PCDHGA9: variants seen among roughly 807,000 people sequenced by gnomAD.
PCDHGA9 encodes the protein protocadherin gamma subfamily A, 9.
Under a neutral mutation model 62.5 loss-of-function variants are expected in PCDHGA9, and 37 were observed. The ratio of observed to expected loss-of-function variants is 0.59; its 90% CI spans 0.46 to 0.78. PCDHGA9 has a LOEUF of 0.78. PCDHGA9 is among the 30% of genes least tolerant of loss of function. The pLI is 0.00. For synonymous variants in PCDHGA9, 459 were observed against 484.6 expected (o/e 0.95, Z 0.69); for missense variants, 1,138 against 1,166.2 (o/e 0.98, Z 0.35).
At chr5:141,449,521 G>A (rs1238503983) in intron 1 of PCDHGA9, among the ~76,000 whole-genome samples, 4 of 150,262 alleles carry the variant, frequency 2.7e-5, no homozygotes, top group African/African-American at 9.8e-5. Flanking sequence ...CCTGGGAGGC[G>A]GAGGTTGCAG....
intron 3 of PCDHGA9, among the ~76,000 whole-genome samples, chr5:141,509,907 C>T (rs149338646): frequency 3.3e-5 from 5 of 152,182 alleles, no homozygotes; most frequent in South Asian, 2.1e-4. Context: ...TTCCAGCATG[C>T]GCTTAGGTAC....
At chr5:141,428,493 T>G in intron 1 of PCDHGA9, 1 of 307,146 alleles carries the variant, frequency 3.3e-6, no homozygotes, top group Non-Finnish European at 6.3e-6. Context: ...GCAATCTGTA[T>G]GTTCCCTCGG....
At position 141,486,538 on chromosome 5, in the gene PCDHGA9, C is replaced by A; in HGVS notation, c.2425-8269C>A. 1 of 1,614,150 alleles carries A rather than the reference C, an allele frequency of 6.2e-7. No individual in the cohort carries two copies. Among genetic ancestry groups the A allele is most frequent in the Non-Finnish European group, 8.5e-7 (1 of 1,180,038 alleles). ...ATGTGAATGATAATCCACCCTCTTTCTTTCAGAGGTCACATGAGGTGTTTG... is the reference window on the plus strand; with the variant it reads ...ATGTGAATGATAATCCACCCTCTTTATTTCAGAGGTCACATGAGGTGTTTG... On this transcript the variant is annotated intron_variant, in intron 1 of 3. Coordinates refer to ENST00000573521, the MANE Select transcript of PCDHGA9 (RefSeq NM_018921.3). This position sits in a 1 kb window ranked among gnomAD's most constrained non-coding sequence, Gnocchi z 5.0.
intron 1 of PCDHGA9, among the ~76,000 whole-genome samples, chr5:141,405,955 C>T (rs116457023): frequency 0.015 from 2,244 of 152,168 alleles, 22 homozygotes; most frequent in Admixed American, 0.035. Flanking sequence ...TAATAATTAA[C>T]CTGCTGTCAA....
chr5:141,409,087 T>C (rs753624565), intron 1 of PCDHGA9: 1 of 1,613,990 alleles, frequency 6.2e-7, no homozygotes, highest in Admixed American at 1.7e-5. Flanking sequence ...TCTCATTGGA[T>C]GAGAAAACAG....
chr5:141,507,816 TG>T (rs1478957063), intron 3 of PCDHGA9, among the ~76,000 whole-genome samples: 1 of 152,130 alleles, frequency 6.6e-6, no homozygotes, highest in African/African-American at 2.4e-5. Flanking sequence ...GAACGGACCC[TG>T]GGGGTGGAGG....
chr5:141,460,961 ATG>A (rs35821115), intron 1 of PCDHGA9, among the ~76,000 whole-genome samples: 22,194 of 144,260 alleles, frequency 0.15, 1,877 homozygotes, highest in South Asian at 0.27. Context: ...GTATATATAT[ATG>A]TGTGTGTGTG....
chr5:141,510,400 TA>T (rs780031896), intron 3 of PCDHGA9, among the ~76,000 whole-genome samples: 12 of 151,920 alleles, frequency 7.9e-5, no homozygotes, highest in Non-Finnish European at 1.3e-4. Flanking sequence ...TGGCAAAGGC[TA>T]GGGGCATGTA....
chr5:141,414,148 G>A, intron 1 of PCDHGA9: 1 of 1,598,900 alleles, frequency 6.3e-7, no homozygotes, highest in Non-Finnish European at 8.5e-7. Flanking sequence ...AGAAATACAA[G>A]CAGAAGATGG....
Position 141,454,782 on chromosome 5 carries a change from C to A in PCDHGA9, c.2425-40025C>A, listed in dbSNP as rs116242508. On this transcript the variant is annotated intron_variant, in intron 1 of 3. Transcript: ENST00000573521. ...GACATGTTTTTTACAAGGAAATAAT[C>A]CTCCATGGTTCTAATTTTTTTTTTT... is the stretch of plus-strand genomic sequence containing the variant. 8.4e-3 allele frequency among the ~76,000 whole-genome samples: 1,205 copies of A among 143,216 alleles called. 20 individuals are homozygous for A. Among genetic ancestry groups the A allele is most frequent in the African/African-American group, 0.03 (1,150 of 37,952 alleles). The allele number at this position is 143,216 out of a possible 152,430, so 94.0% of individuals were successfully genotyped here. A position where few individuals can be genotyped will look rare whatever the true frequency, so the allele number is the denominator to read the frequency against.
chr5:141,403,553 G>T lies in PCDHGA9; in HGVS notation c.601G>T (p.Asp201Tyr). The T allele has an allele frequency of 3.7e-6, 6 of 1,613,980 alleles. No homozygotes were observed. The highest frequency in any genetic ancestry group is 5.1e-6 in the Non-Finnish European group (6 of 1,179,900). The change falls in exon 1 of 4, where the codon GAC becomes TAC. Residue 201 changes from aspartate to tyrosine, a missense_variant. Coordinates refer to ENST00000573521, the MANE Select transcript of PCDHGA9 (RefSeq NM_018921.3). ...AGAGCTGGTGCTGGAGCGCGCCCTG[G>T]ACAGGGAGGAGGCAACTGCCCACCA... The part of the protein sequence containing the change: ...NPELVLERAL[D>Y]REEATAHHLV...
intron 1 of PCDHGA9, chr5:141,430,745 T>C (rs377018529): frequency 1.3e-4 from 191 of 1,499,634 alleles, no homozygotes; most frequent in Non-Finnish European, 1.7e-4. Context: ...AAAATAATTC[T>C]GGAGGAAGAT....
rs1292747996 is a variant in PCDHGA9, at chr5:141,475,972, T to C, written c.2425-18835T>C. 2.0e-5 allele frequency: 19 copies of C among 963,712 alleles called. No individual in the cohort carries two copies. In the East Asian group the frequency reaches 3.4e-4, roughly 17 times the overall value. The allele number at this position is 963,712 out of a possible 1,614,324, so 59.7% of individuals were successfully genotyped here. A position where few individuals can be genotyped will look rare whatever the true frequency, so the allele number is the denominator to read the frequency against. ...CTGCGCCCCGGGATGAGGCAGAGAC[T>C]GAACAGCCGGCGAGCAAATCAACGG... On this transcript the variant is annotated intron_variant, in intron 1 of 3. Transcript: ENST00000573521.
In PCDHGA9 at chr5:141,490,211, ACCAGGGACAG is replaced by A. The variant is rs1259297201; in HGVS notation, c.2425-4593_2425-4584del. 1 of 1,614,212 alleles carries A rather than the reference ACCAGGGACAG, an allele frequency of 6.2e-7. No individual in the cohort carries two copies. ...TATGAAATTCATGCAAGAGCCCGTG[ACCAGGGACAG>A]CCTGCCATGGAGGGCCACTGTGTGA... is the stretch of plus-strand genomic sequence containing the variant. On this transcript the variant is annotated intron_variant, in intron 1 of 3. Transcript: ENST00000573521. The surrounding 1 kb of genome is among the most constrained non-coding windows in gnomAD (Gnocchi z 5.4).
chr5:141,431,736 G>T lies in PCDHGA9; in HGVS notation c.2424+26360G>T. On this transcript the variant is annotated intron_variant, in intron 1 of 3. Transcript: ENST00000573521. The surrounding 1 kb of genome is among the most constrained non-coding windows in gnomAD (Gnocchi z 4.8). ...GAAGTGCAAGCAATGGATAATGCAG[G>T]ATATTCTGCGCGAGCCAAAGTCCTG... 1 of 1,614,218 alleles carries T rather than the reference G, an allele frequency of 6.2e-7. No individual in the cohort carries two copies. The highest frequency in any genetic ancestry group is 8.5e-7 in the Non-Finnish European group (1 of 1,180,046).
In PCDHGA9 at chr5:141,432,733, C is replaced by T; in HGVS notation, c.2424+27357C>T. 1 of 1,614,094 alleles carries T rather than the reference C, an allele frequency of 6.2e-7. No individual in the cohort carries two copies. Among genetic ancestry groups the T allele is most frequent in the Middle Eastern group, 1.6e-4 (1 of 6,062 alleles). ...GCCAGCCCCCTCTCTCCGCCACTGTCACGCTCACCGTGGCCGTGGCCGACA... is the reference window on the plus strand; with the variant it reads ...GCCAGCCCCCTCTCTCCGCCACTGTTACGCTCACCGTGGCCGTGGCCGACA... On this transcript the variant is annotated intron_variant, in intron 1 of 3. Coordinates refer to ENST00000573521, the MANE Select transcript of PCDHGA9 (RefSeq NM_018921.3). The surrounding 1 kb of genome is among the most constrained non-coding windows in gnomAD (Gnocchi z 6.0).
At position 141,493,262 on chromosome 5, in the gene PCDHGA9, A is replaced by G. The variant is rs148431133; in HGVS notation, c.2425-1545A>G. ...GGTACTAACATGCCTCTCTTATAAC[A>G]GCTTCACAGAGGTCAAGTGACTTGC... is the stretch of plus-strand genomic sequence containing the variant. On this transcript the variant is annotated intron_variant, in intron 1 of 3. Transcript: ENST00000573521. This position sits in a 1 kb window ranked among gnomAD's most constrained non-coding sequence, Gnocchi z 4.3. 5.1e-4 allele frequency among the ~76,000 whole-genome samples: 78 copies of G among 152,302 alleles called. No homozygotes were observed. Among genetic ancestry groups the G allele is most frequent in the African/African-American group, 1.7e-3 (72 of 41,574 alleles).
chr5:141,478,724 G>T, intron 1 of PCDHGA9: 2 of 1,542,774 alleles, frequency 1.3e-6, no homozygotes, highest in Non-Finnish European at 1.8e-6. Context: ...TGGCCTGCCA[G>T]AGTGTGGTTT....
chr5:141,431,450 A>T lies in PCDHGA9; in HGVS notation c.2424+26074A>T, dbSNP rs1468567743. 1 of 1,613,740 alleles carries T rather than the reference A, an allele frequency of 6.2e-7. No homozygotes were observed. Among genetic ancestry groups the T allele is most frequent in the Admixed American group, 1.7e-5 (1 of 60,032 alleles). ...CACAGGCACCGCGCGCATCCGCGTG[A>T]TGGTTCTGGATGCGAACGACAACGC... On this transcript the variant is annotated intron_variant, in intron 1 of 3. Transcript: ENST00000573521. This position sits in a 1 kb window ranked among gnomAD's most constrained non-coding sequence, Gnocchi z 4.8.
Sources: gnomAD v4.1 joint callset for allele counts (sites outside exome capture counted in the v4.1 genomes callset) on GRCh38, gnomAD v4.1.1 for gene constraint, Gnocchi (gnomAD v3.1) non-coding constraint, MANE v1.5 for transcripts, NCBI Gene and HGNC (gene_info 2026-07-23, HGNC 2026-07-21) for gene names.